PLAGL1: variants seen among roughly 807,000 people sequenced by gnomAD.
PLAGL1 encodes PLAG1 like zinc finger 1.
In PLAGL1, 1 loss-of-function variant was observed where a neutral mutation model predicts 4.6. The observed-to-expected ratio is 0.22, with a 90% confidence interval of 0.08 to 1.03. The LOEUF (loss-of-function observed/expected upper bound fraction) is 1.03, where lower values mean the gene tolerates loss of function less well. Ranked by LOEUF, PLAGL1 falls within the 50% of genes least tolerant of loss-of-function variation. The pLI is 0.58. For missense variants in PLAGL1, 464 were observed against 570.4 expected, an observed-to-expected ratio of 0.81 and a Z score of 1.90; for synonymous variants, 240 against 237.8, an observed-to-expected ratio of 1.01 and a Z score of -0.08.
chr6:144,016,024 A>G lies in PLAGL1; in HGVS notation c.-150-47046T>C, dbSNP rs1347928494. Among the ~76,000 whole-genome samples, 1 of 152,182 alleles carries G rather than the reference A, an allele frequency of 6.6e-6. No homozygotes were observed. The highest frequency in any genetic ancestry group is 1.9e-4 in the East Asian group (1 of 5,202). ...GTCAACACAGATGAATCAAAACAAC[A>G]ACAACACTGTGCGGAGTCAAAGAAA... On this transcript the variant is annotated intron_variant, in intron 1 of 3. Transcript: ENST00000437412. This position sits in a 1 kb window ranked among gnomAD's most constrained non-coding sequence, Gnocchi z 4.2.
chr6:144,027,234 C>CGAAAGAAAGAACGAACGAAAGAAA lies in PLAGL1; in HGVS notation c.-151+37233_-151+37234insTTTCTTTCGTTCGTTCTTTCTTTC, dbSNP rs1554277683. 2.7e-5 allele frequency among the ~76,000 whole-genome samples: 3 copies of CGAAAGAAAGAACGAACGAAAGAAA among 111,632 alleles called. No individual in the cohort carries two copies. The highest frequency in any genetic ancestry group is 5.4e-5 in the Non-Finnish European group (3 of 55,088). The allele number at this position is 111,632 out of a possible 152,430, so 73.2% of individuals were successfully genotyped here. On this transcript the variant is annotated intron_variant, in intron 1 of 3. Transcript: ENST00000437412. This position sits in a 1 kb window ranked among gnomAD's most constrained non-coding sequence, Gnocchi z 5.8. Reference sequence around the variant, plus strand: ...GAAAGACCCCAACTCAAAGAACGAACGAAAGAAAGAAAGAAAGAAAGAAAG... The same window carrying CGAAAGAAAGAACGAACGAAAGAAA: ...GAAAGACCCCAACTCAAAGAACGAACGAAAGAAAGAACGAACGAAAGAAAGAAAGAAAGAAAGAAAGAAAGAAAG...
At position 143,984,240 on chromosome 6, in the gene PLAGL1, A is replaced by G. The variant is rs1788547856; in HGVS notation, c.-544+895T>C. The stretch of plus-strand genomic sequence containing the variant: ...ATGTACAATTAATTCTGTCATTTAT[A>G]TCAGTTTCCTAAATTCTAAAGCAAA... On this transcript the variant is annotated intron_variant, in intron 2 of 7. Transcript: ENST00000674357. The surrounding 1 kb of genome is among the most constrained non-coding windows in gnomAD (Gnocchi z 5.5). Among the ~76,000 whole-genome samples the G allele has an allele frequency of 6.6e-6, 1 of 152,180 alleles. No individual in the cohort carries two copies. The highest frequency in any genetic ancestry group is 2.1e-4 in the South Asian group (1 of 4,830).
chr6:144,018,970 G>T (rs1365703005), intron 1 of PLAGL1, among the ~76,000 whole-genome samples: 1 of 151,870 alleles, frequency 6.6e-6, no homozygotes, highest in Non-Finnish European at 1.5e-5. Flanking sequence ...GGAGATCAAG[G>T]CTGCACTGAG....
rs534968940 is a variant in PLAGL1 at position 143,975,947 on chromosome 6, A to G, written c.-543-6969T>C. ...TCTGTTGTCTGTAGATAGTGCTTTC[A>G]TGTTTTCAAAGAACTAACACATATC... is the stretch of plus-strand genomic sequence containing the variant. On this transcript the variant is annotated intron_variant, in intron 2 of 7. Coordinates refer to ENST00000674357, the MANE Select transcript of PLAGL1 (RefSeq NM_001317162.2). This position sits in a 1 kb window ranked among gnomAD's most constrained non-coding sequence, Gnocchi z 5.8. Among the ~76,000 whole-genome samples, 1 of 152,316 alleles carries G rather than the reference A, an allele frequency of 6.6e-6. No individual in the cohort carries two copies. The highest frequency in any genetic ancestry group is 1.9e-4 in the East Asian group (1 of 5,190).
intron 1 of PLAGL1, among the ~76,000 whole-genome samples, chr6:144,038,095 A>T (rs749978605): frequency 6.6e-6 from 1 of 152,256 alleles, no homozygotes; most frequent in Non-Finnish European, 1.5e-5. Flanking sequence ...TAGTAATAGC[A>T]TTTGACAAAA....
Position 143,952,797 on chromosome 6 carries a change from C to G in PLAGL1, c.-324-4337G>C, listed in dbSNP as rs1352942348. ...CCTCAGTGACACAATCAATGCAAGG[C>G]CCATTTCTGAGAGGAAAGTGAATTT... On this transcript the variant is annotated intron_variant, in intron 6 of 7. Coordinates refer to ENST00000674357, the MANE Select transcript of PLAGL1 (RefSeq NM_001317162.2). This position sits in a 1 kb window ranked among gnomAD's most constrained non-coding sequence, Gnocchi z 6.1. Among the ~76,000 whole-genome samples the G allele has an allele frequency of 1.3e-5, 2 of 152,170 alleles. 1 individual carries two copies. Among genetic ancestry groups the G allele is most frequent in the East Asian group, 3.9e-4 (2 of 5,194 alleles).
chr6:143,977,894 A>G (rs1158502479), intron 2 of PLAGL1, among the ~76,000 whole-genome samples: 2 of 152,090 alleles, frequency 1.3e-5, no homozygotes, highest in Admixed American at 1.3e-4. Flanking sequence ...TGCTGTCTAG[A>G]AGCTGTTTTA....
chr6:143,943,068 TAC>T (rs1422411949), intron 7 of PLAGL1, among the ~76,000 whole-genome samples: 1 of 97,346 alleles, frequency 1.0e-5, no homozygotes, highest in Non-Finnish European at 2.1e-5. Context: ...GGTCTCACTA[TAC>T]CCACGCTGGT....
chr6:143,951,766 G>A (rs2268444), intron 6 of PLAGL1, among the ~76,000 whole-genome samples: 13,921 of 152,180 alleles, frequency 0.091, 897 homozygotes, highest in East Asian at 0.28. Flanking sequence ...AAAACACAAA[G>A]TCTCTCGTTT....
rs932695924 is a variant in PLAGL1 at position 144,027,342 on chromosome 6, T to A, written c.-151+37126A>T. 1.3e-5 allele frequency among the ~76,000 whole-genome samples: 2 copies of A among 152,182 alleles called. No individual in the cohort carries two copies. Among genetic ancestry groups the A allele is most frequent in the African/African-American group, 4.8e-5 (2 of 41,436 alleles). ...GTCTTTAAGAAGTGAAATCTGTAAG[T>A]ATTCAGAATAAGAAGCAAAACTGCA... On this transcript the variant is annotated intron_variant, in intron 1 of 3. Coordinates refer to the PLAGL1 transcript ENST00000437412. This position sits in a 1 kb window ranked among gnomAD's most constrained non-coding sequence, Gnocchi z 5.8.
chr6:143,956,412 G>C (rs2128544970), intron 6 of PLAGL1, among the ~76,000 whole-genome samples: 1 of 152,208 alleles, frequency 6.6e-6, no homozygotes, highest in African/African-American at 2.4e-5. Context: ...AGCTCCTCTT[G>C]GATAAGATGG....
chr6:144,011,543 C>A (rs184384765), upstream of PLAGL1, among the ~76,000 whole-genome samples: 6 of 152,210 alleles, frequency 3.9e-5, no homozygotes, highest in East Asian at 1.2e-3. This position sits in a 1 kb window ranked among gnomAD's most constrained non-coding sequence, Gnocchi z 4.3. Flanking sequence ...ATCAATTTTT[C>A]CCCCCAGCAT....
At position 143,954,553 on chromosome 6, in the gene PLAGL1, G is replaced by T. The variant is rs955154192; in HGVS notation, c.-325+5916C>A. 6.6e-6 allele frequency among the ~76,000 whole-genome samples: 1 copy of T among 152,102 alleles called. No homozygotes were observed. The highest frequency in any genetic ancestry group is 1.5e-5 in the Non-Finnish European group (1 of 68,026). ...CTTATAACTCAGCTAATATAATCCA[G>T]AGACTAACATTCATTGACTAAATGG... On this transcript the variant is annotated intron_variant, in intron 6 of 7. Coordinates refer to ENST00000674357, the MANE Select transcript of PLAGL1 (RefSeq NM_001317162.2). This position sits in a 1 kb window ranked among gnomAD's most constrained non-coding sequence, Gnocchi z 5.1.
rs2128584130 is a variant in PLAGL1, at chr6:143,972,382, C to G, written c.-543-3404G>C. Among the ~76,000 whole-genome samples the G allele has an allele frequency of 6.6e-6, 1 of 152,310 alleles. No individual in the cohort carries two copies. On this transcript the variant is annotated intron_variant, in intron 2 of 7. Transcript: ENST00000674357. The surrounding 1 kb of genome is among the most constrained non-coding windows in gnomAD (Gnocchi z 6.8). ...AAGCCATAAATTCTTCCTGGGAAAT[C>G]AAGCAAGTGAGGGGAGATGTGAAAG...
In PLAGL1 at chr6:143,959,297, C is replaced by A. The variant is rs1031826908; in HGVS notation, c.-325+1172G>T. Among the ~76,000 whole-genome samples, 4 of 152,284 alleles carry A rather than the reference C, an allele frequency of 2.6e-5. No homozygotes were observed. Among genetic ancestry groups the A allele is most frequent in the Admixed American group, 6.5e-5 (1 of 15,310 alleles). ...AAGGCCTGCTGTGTTAGCCACACCC[C>A]ACCTGTTCGCAGCCCATGGACTCGC... On this transcript the variant is annotated intron_variant, in intron 6 of 7. Transcript: ENST00000674357. The surrounding 1 kb of genome is among the most constrained non-coding windows in gnomAD (Gnocchi z 5.3).
rs1326749518 is a variant in PLAGL1 at position 143,955,360 on chromosome 6, A to G, written c.-325+5109T>C. 6.6e-6 allele frequency among the ~76,000 whole-genome samples: 1 copy of G among 152,170 alleles called. No individual in the cohort carries two copies. The highest frequency in any genetic ancestry group is 6.5e-5 in the Admixed American group (1 of 15,278). On this transcript the variant is annotated intron_variant, in intron 6 of 7. Coordinates refer to ENST00000674357, the MANE Select transcript of PLAGL1 (RefSeq NM_001317162.2). This position sits in a 1 kb window ranked among gnomAD's most constrained non-coding sequence, Gnocchi z 4.9. Reference sequence around the variant, plus strand: ...GCAAAGGAGAAAACAGGCTAGAGAGATGGAGAATCGTGAAGGGTCCACTCT... The same window carrying G: ...GCAAAGGAGAAAACAGGCTAGAGAGGTGGAGAATCGTGAAGGGTCCACTCT...
intron 1 of PLAGL1, among the ~76,000 whole-genome samples, chr6:144,035,664 G>A (rs1797167840): frequency 6.6e-6 from 1 of 152,150 alleles, no homozygotes; most frequent in Non-Finnish European, 1.5e-5. Context: ...CCATCACAGG[G>A]GGCAAGAGGC....
At chr6:144,041,586 T>C (rs914245369) in intron 1 of PLAGL1, among the ~76,000 whole-genome samples, 4 of 152,224 alleles carry the variant, frequency 2.6e-5, no homozygotes, top group Non-Finnish European at 2.9e-5. Flanking sequence ...CTATCATTGT[T>C]GGACATTTGG....
At position 143,953,212 on chromosome 6, in the gene PLAGL1, A is replaced by C. The variant is rs1257208728; in HGVS notation, c.-324-4752T>G. 3.9e-5 allele frequency among the ~76,000 whole-genome samples: 6 copies of C among 152,132 alleles called. No homozygotes were observed. The highest frequency in any genetic ancestry group is 3.9e-4 in the Admixed American group (6 of 15,286). On this transcript the variant is annotated intron_variant, in intron 6 of 7. Coordinates refer to ENST00000674357, the MANE Select transcript of PLAGL1 (RefSeq NM_001317162.2). The surrounding 1 kb of genome is among the most constrained non-coding windows in gnomAD (Gnocchi z 5.3). ...ATGGCCCAGTAGAGATCTCCACCTT[A>C]ATATGTTTGAAGAGCTTTCACTCTA... is the stretch of plus-strand genomic sequence containing the variant.
Sources: allele counts gnomAD v4.1 joint callset (sites outside exome capture counted in the v4.1 genomes callset), GRCh38; gene constraint gnomAD v4.1.1; non-coding constraint Gnocchi (gnomAD v3.1); transcripts MANE v1.5; gene names NCBI Gene and HGNC (gene_info 2026-07-23, HGNC 2026-07-21).